The following EXOC4 variants were observed in gnomAD, a reference collection of about 807,000 sequenced individuals.
EXOC4 encodes SEC8-like 1.
EXOC4 carries 71 observed loss-of-function variants against 107.2 expected under a neutral mutation model. The observed-to-expected ratio is 0.66, with a 90% CI of 0.55 to 0.81. The LOEUF (loss-of-function observed/expected upper bound fraction) is 0.81. EXOC4 is among the 30% of genes least tolerant of loss of function. EXOC4 has a pLI of 0.00. For synonymous variants in EXOC4, 456 were observed against 441.2 expected (o/e 1.03, Z -0.42); for missense variants, 1,108 against 1,189.6 (o/e 0.93, Z 1.01).
chr7:133,812,884 TCTC>T (rs1422844665), intron 10 of EXOC4, among the ~76,000 whole-genome samples: 4 of 152,048 alleles, frequency 2.6e-5, no homozygotes, highest in African/African-American at 7.2e-5. Flanking sequence ...TTGACCAACA[TCTC>T]CTCCCCTCCC....
intron 4 of EXOC4, among the ~76,000 whole-genome samples, chr7:133,310,477 A>C (rs1794847222): frequency 6.6e-6 from 1 of 152,232 alleles, no homozygotes; most frequent in Non-Finnish European, 1.5e-5. Flanking sequence ...ATATGCCAAG[A>C]TTCTTGATTG....
chr7:133,748,978 G>A (rs1317665825), intron 10 of EXOC4, among the ~76,000 whole-genome samples: 1 of 152,200 alleles, frequency 6.6e-6, no homozygotes, highest in African/African-American at 2.4e-5. Context: ...TCTTAAGATA[G>A]CAGCCTCAGA....
chr7:133,941,136 T>G (rs894789747), intron 14 of EXOC4, among the ~76,000 whole-genome samples: 1 of 151,944 alleles, frequency 6.6e-6, no homozygotes, highest in Non-Finnish European at 1.5e-5. Context: ...TAACTAGGAT[T>G]ACAGGTGCCC....
intron 9 of EXOC4, among the ~76,000 whole-genome samples, chr7:133,607,444 A>T (rs1801975100): frequency 6.6e-6 from 1 of 152,216 alleles, no homozygotes; most frequent in Non-Finnish European, 1.5e-5. Context: ...ATCTCAGACA[A>T]GATAGTATTG....
chr7:133,274,703 A>G (rs1360038935), intron 1 of EXOC4, among the ~76,000 whole-genome samples: 2 of 152,214 alleles, frequency 1.3e-5, no homozygotes, highest in Non-Finnish European at 2.9e-5. Context: ...CAGTCTCTTG[A>G]ACAGTTCATG....
At chr7:134,001,522 G>A (rs935489310) in intron 15 of EXOC4, among the ~76,000 whole-genome samples, 8 of 151,608 alleles carry the variant, frequency 5.3e-5, no homozygotes. Flanking sequence ...ATACCTTAAA[G>A]AAAGGTTATA....
At chr7:133,694,259 CAAAAAAAA>C (rs10591090) in intron 10 of EXOC4, among the ~76,000 whole-genome samples, 20 of 120,180 alleles carry the variant, frequency 1.7e-4, no homozygotes, top group African/African-American at 6.6e-4. Flanking sequence ...GATTCCTTCT[CAAAAAAAA>C]AAAAAAAAAA....
intron 5 of EXOC4, among the ~76,000 whole-genome samples, chr7:133,328,671 C>T (rs1308023367): frequency 3.3e-5 from 5 of 152,138 alleles, no homozygotes; most frequent in Admixed American, 6.5e-5. Flanking sequence ...ATTTCTCCTT[C>T]GTTTATGAAA....
At chr7:133,397,016 T>G (rs959722225) in intron 7 of EXOC4, among the ~76,000 whole-genome samples, 1 of 152,228 alleles carries the variant, frequency 6.6e-6, no homozygotes, top group East Asian at 1.9e-4. Flanking sequence ...CATGATTCTT[T>G]CATCTCAAGC....
intron 9 of EXOC4, chr7:133,576,682 G>A (rs917444379): frequency 4.3e-5 from 55 of 1,289,602 alleles, no homozygotes; most frequent in Admixed American, 2.8e-4. Flanking sequence ...TGAGCAATGG[G>A]AGCCGTGAAA....
At chr7:133,472,484 AAGG>A (rs1026795512) in intron 7 of EXOC4, among the ~76,000 whole-genome samples, 7 of 152,164 alleles carry the variant, frequency 4.6e-5, no homozygotes, top group African/African-American at 1.7e-4. Context: ...AACAAACAAA[AAGG>A]AGACAGAAGG....
At chr7:133,584,672 G>A (rs944149203) in intron 9 of EXOC4, among the ~76,000 whole-genome samples, 3 of 137,130 alleles carry the variant, frequency 2.2e-5, no homozygotes, top group South Asian at 2.5e-4. Context: ...TCTGCCTCCC[G>A]GGTTCAAGTG....
intron 14 of EXOC4, among the ~76,000 whole-genome samples, chr7:133,943,854 G>A (rs1800488115): frequency 6.6e-6 from 1 of 152,112 alleles, no homozygotes; most frequent in Admixed American, 6.6e-5. Flanking sequence ...TACTGCTATA[G>A]TGACCCTTTT....
intron 11 of EXOC4, among the ~76,000 whole-genome samples, chr7:133,863,713 A>T (rs1048228742): frequency 2.0e-5 from 3 of 152,216 alleles, no homozygotes; most frequent in African/African-American, 4.8e-5. Flanking sequence ...TCTTTCACTT[A>T]AACATATTGC....
intron 14 of EXOC4, among the ~76,000 whole-genome samples, chr7:133,945,389 T>C (rs76842755): frequency 0.064 from 9,714 of 152,288 alleles, 446 homozygotes; most frequent in South Asian, 0.15. Flanking sequence ...CCAGTTCTTC[T>C]ATCCTCTGGA....
intron 14 of EXOC4, among the ~76,000 whole-genome samples, chr7:133,959,154 T>C (rs1462590374): frequency 6.6e-6 from 1 of 152,028 alleles, no homozygotes; most frequent in African/African-American, 2.4e-5. Flanking sequence ...CACTTAAATA[T>C]GAGCAGACAG....
intron 11 of EXOC4, among the ~76,000 whole-genome samples, chr7:133,818,514 T>C (rs976476163): frequency 1.3e-5 from 2 of 152,208 alleles, no homozygotes; most frequent in Admixed American, 6.5e-5. Context: ...GTCCTAGTTA[T>C]GAGCATTCTT....
At chr7:133,736,350 A>T (rs1029409025) in intron 10 of EXOC4, among the ~76,000 whole-genome samples, 2 of 152,160 alleles carry the variant, frequency 1.3e-5, no homozygotes, top group Admixed American at 1.3e-4. Flanking sequence ...CCTGGTTGGA[A>T]TATAATCATC....
chr7:133,621,374 C>CA (rs5887638), intron 9 of EXOC4, among the ~76,000 whole-genome samples: 9 of 151,136 alleles, frequency 6.0e-5, no homozygotes, highest in South Asian at 2.1e-4. Flanking sequence ...TGTTGAACTA[C>CA]AAAAAAAAAT....
Sources: gnomAD v4.1 joint callset for allele counts (sites outside exome capture counted in the v4.1 genomes callset) on GRCh38, gnomAD v4.1.1 for gene constraint, MANE v1.5 for transcripts, NCBI Gene and HGNC (gene_info 2026-07-23, HGNC 2026-07-21) for gene names.